The following ZNF827 variants were observed in gnomAD, a reference collection of about 807,000 sequenced individuals.
ZNF827 encodes zinc finger protein 827.
ZNF827 carries 13 observed loss-of-function variants against 102.4 expected under a neutral mutation model. The ratio of observed to expected loss-of-function variants is 0.13; its 90% confidence interval spans 0.08 to 0.20. ZNF827 has a LOEUF of 0.20. ZNF827 is among the 10% of genes least tolerant of loss of function. The probability of loss-of-function intolerance (pLI) is 1.00; values close to 1 mark genes in which losing one functional copy is unlikely to be tolerated. For synonymous variants in ZNF827, 523 were observed against 536.2 expected, an observed-to-expected ratio of 0.98 and a Z score of 0.34; for missense variants, 1,103 against 1,344.4, an observed-to-expected ratio of 0.82 and a Z score of 2.81.
chr4:145,801,077 T>C (rs79565350), intron 8 of ZNF827, among the ~76,000 whole-genome samples: 197 of 152,286 alleles, frequency 1.3e-3, no homozygotes, highest in Non-Finnish European at 2.4e-3. Context: ...AAAAAAGTCA[T>C]AGGCATAATT....
chr4:145,838,727 G>A (rs1745126922), intron 7 of ZNF827, among the ~76,000 whole-genome samples: 1 of 151,748 alleles, frequency 6.6e-6, no homozygotes, highest in South Asian at 2.1e-4. Flanking sequence ...GTAGGACTCA[G>A]TTATAAATGA....
In ZNF827 at chr4:145,903,037, C is replaced by T. The variant is rs189446883; in HGVS notation, c.222G>A (p.Thr74=). 2.4e-5 allele frequency: 38 copies of T among 1,614,164 alleles called. No individual in the cohort carries two copies. The South Asian group carries it at 2.9e-4, about 12-fold the overall frequency. Residue 74 remains threonine (T), a synonymous_variant, in exon 2 of 15, where the codon ACG becomes ACA. Transcript: ENST00000508784. ...GCTCCAACGTGTGGCTGCTGGGAGT[C>T]GTGCTTCCCAAGGAGGTGTCCGGGG... is the stretch of plus-strand genomic sequence containing the variant. ...STSPDTSLGS[T]TPSSHTLELV...
At chr4:145,773,634 T>C (rs1294959484) in intron 11 of ZNF827, among the ~76,000 whole-genome samples, 1 of 152,214 alleles carries the variant, frequency 6.6e-6, no homozygotes, top group African/African-American at 2.4e-5. Context: ...GAGAGTATAA[T>C]TGCATGGTGA....
intron 8 of ZNF827, among the ~76,000 whole-genome samples, chr4:145,806,597 T>C (rs971617401): frequency 6.6e-6 from 1 of 152,178 alleles, no homozygotes; most frequent in African/African-American, 2.4e-5. Context: ...TCTTCGACAC[T>C]GGCAGAGAAG....
At chr4:145,794,729 C>T (rs1021394740) in intron 8 of ZNF827, among the ~76,000 whole-genome samples, 4 of 152,064 alleles carry the variant, frequency 2.6e-5, no homozygotes, top group Non-Finnish European at 5.9e-5. Context: ...CATACATACC[C>T]AACACCAGTA....
At chr4:145,881,497 T>C (rs545153512) in intron 4 of ZNF827, among the ~76,000 whole-genome samples, 2 of 152,212 alleles carry the variant, frequency 1.3e-5, no homozygotes, top group Non-Finnish European at 2.9e-5. Context: ...GTCAACTGCT[T>C]GGTTATAATT....
At chr4:145,814,769 CAAAAAAAAAAAAA>C (rs773438540) in intron 8 of ZNF827, among the ~76,000 whole-genome samples, 1 of 74,364 alleles carries the variant, frequency 1.3e-5, no homozygotes, top group Non-Finnish European at 3.0e-5. Context: ...ACTAAAAATA[CAAAAAAAAAAAAA>C]AAAAAAAAAT....
chr4:145,902,239 T>C lies in ZNF827; in HGVS notation c.1020A>G (p.Pro340=), dbSNP rs529466263. The change falls in exon 2 of 15, where the codon CCA becomes CCG. Residue 340 remains proline (P), a synonymous_variant. Coordinates refer to ENST00000508784, the MANE Select transcript of ZNF827 (RefSeq NM_001306215.2). This position sits in a 1 kb window ranked among gnomAD's most constrained non-coding sequence, Gnocchi z 4.3. ...ATAATTCCAGGGATTGTGGTGGTGG[T>C]GGTGGAGGTGGTGGAGGTGGCGGTG... The part of the protein sequence containing the change: ...PPPPPPPPPP[P]PPPQSLELLL... 2.5e-5 allele frequency: 39 copies of C among 1,562,080 alleles called. 1 individual carries two copies. Among genetic ancestry groups the C allele is most frequent in the Middle Eastern group, 3.4e-4 (2 of 5,836 alleles).
At chr4:145,803,670 G>A (rs1368004026) in intron 8 of ZNF827, among the ~76,000 whole-genome samples, 1 of 152,076 alleles carries the variant, frequency 6.6e-6, no homozygotes, top group Non-Finnish European at 1.5e-5. Flanking sequence ...TTGATCAAAG[G>A]ATTCCTTATA....
At chr4:145,797,936 T>C (rs1347784725) in intron 8 of ZNF827, among the ~76,000 whole-genome samples, 1 of 152,242 alleles carries the variant, frequency 6.6e-6, no homozygotes, top group Non-Finnish European at 1.5e-5. Flanking sequence ...AATTGTTTTA[T>C]CATTTTCTGT....
Position 145,870,478 on chromosome 4 carries a change from GCTGT to G in ZNF827, c.1748-4_1748-1del. On this transcript the variant is annotated splice_acceptor_variant and splice_polypyrimidine_tract_variant and intron_variant, in intron 4 of 14. Coordinates refer to ENST00000508784, the MANE Select transcript of ZNF827 (RefSeq NM_001306215.2). LOFTEE classifies it high-confidence loss of function. ...ATTCATGGGCTCCTTCTGATTTGCAGCTGTCAAAAGAAAAAAAGGGATTATATAT... is the reference window on the plus strand; with the variant it reads ...ATTCATGGGCTCCTTCTGATTTGCAGCAAAAGAAAAAAAGGGATTATATAT... 7.4e-6 allele frequency: 12 copies of G among 1,612,768 alleles called. No homozygotes were observed. In the Admixed American group the frequency reaches 1.0e-4, roughly 14 times the overall value.
rs1343532054 is a variant in ZNF827 at position 145,897,778 on chromosome 4, T to C, written c.1093+4388A>G. Among the ~76,000 whole-genome samples the C allele has an allele frequency of 3.9e-5, 6 of 152,236 alleles. No homozygotes were observed. The East Asian group carries it at 1.2e-3, about 29-fold the overall frequency. On this transcript the variant is annotated intron_variant, in intron 2 of 14. Coordinates refer to ENST00000508784, the MANE Select transcript of ZNF827 (RefSeq NM_001306215.2). Reference sequence around the variant, plus strand: ...ACTGCGAAAATACAATTGAGATTAATGACGGACAGTTCTAAAAATCTAGGT... The same window carrying C: ...ACTGCGAAAATACAATTGAGATTAACGACGGACAGTTCTAAAAATCTAGGT...
intron 5 of ZNF827, among the ~76,000 whole-genome samples, chr4:145,861,526 T>C (rs566912996): frequency 4.6e-5 from 7 of 152,290 alleles, no homozygotes; most frequent in Admixed American, 2.6e-4. Flanking sequence ...CAGCGGCCTC[T>C]CCGTTTGTGC....
intron 1 of ZNF827, among the ~76,000 whole-genome samples, chr4:145,936,378 T>C (rs983577088): frequency 3.3e-5 from 5 of 152,004 alleles, no homozygotes; most frequent in African/African-American, 9.7e-5. Context: ...TGTGCATATA[T>C]ATTACATATG....
rs142576803 is a variant in ZNF827 at position 145,840,448 on chromosome 4, A to G, written c.2279+5508T>C. ...CCCCAAAACAGCCTTGACTTCACCA[A>G]AAAGAAATGAATGTCCTAACTGAAG... is the stretch of plus-strand genomic sequence containing the variant. On this transcript the variant is annotated intron_variant, in intron 7 of 14. Transcript: ENST00000508784. Among the ~76,000 whole-genome samples, 272 of 152,386 alleles carry G rather than the reference A, an allele frequency of 1.8e-3. 1 individual carries two copies. The highest frequency in any genetic ancestry group is 6.8e-3 in the Middle Eastern group (2 of 294).
intron 4 of ZNF827, among the ~76,000 whole-genome samples, chr4:145,883,404 T>C (rs879839223): frequency 6.6e-6 from 1 of 152,194 alleles, no homozygotes; most frequent in Non-Finnish European, 1.5e-5. Flanking sequence ...CATCAATAGC[T>C]AACTGAAAAC....
chr4:145,835,200 C>T (rs1006404355), intron 7 of ZNF827: 4 of 152,218 alleles, frequency 2.6e-5, no homozygotes, highest in East Asian at 1.9e-4. Flanking sequence ...CAGATCTTCT[C>T]GGCTTAGCGG....
chr4:145,880,669 A>G (rs1370611578), intron 4 of ZNF827, among the ~76,000 whole-genome samples: 1 of 152,258 alleles, frequency 6.6e-6, no homozygotes, highest in Non-Finnish European at 1.5e-5. Context: ...CCGCTTACAC[A>G]TATAAGGCCC....
intron 11 of ZNF827, among the ~76,000 whole-genome samples, chr4:145,767,802 C>A (rs1352463734): frequency 2.0e-5 from 3 of 152,064 alleles, no homozygotes; most frequent in African/African-American, 7.2e-5. Context: ...CAAAAGCTCA[C>A]ATTAAAACAA....
Sources: allele counts gnomAD v4.1 joint callset (sites outside exome capture counted in the v4.1 genomes callset), GRCh38; gene constraint gnomAD v4.1.1; non-coding constraint Gnocchi (gnomAD v3.1); transcripts MANE v1.5; gene names NCBI Gene and HGNC (gene_info 2026-07-23, HGNC 2026-07-21).